Variants in WDFY3 observed in about 807,000 individuals in gnomAD.
WDFY3 encodes WD repeat and FYVE domain containing 3.
In WDFY3, 66 loss-of-function variants were observed where a neutral mutation model predicts 409.6. The ratio of observed to expected loss-of-function variants is 0.16; its 90% confidence interval spans 0.13 to 0.20. The LOEUF is 0.20. Among genes scored for constraint, WDFY3 ranks in the 10% least tolerant of loss-of-function variants. The probability of loss-of-function intolerance (pLI) is 1.00; values close to 1 mark genes in which losing one functional copy is unlikely to be tolerated. For synonymous variants in WDFY3, 1,521 were observed against 1,537.1 expected (o/e 0.99, Z 0.25); for missense variants, 3,031 against 4,298.1 (o/e 0.71, Z 8.24).
intron 45 of WDFY3, 91 bp from the exon 46 acceptor site, chr4:84,724,685 T>A (rs1187289477): frequency 7.0e-7 from 1 of 1,424,838 alleles, no homozygotes; most frequent in Non-Finnish European, 9.3e-7. Flanking sequence ...TCAAGGTGTG[T>A]TACCTTTTTA....
chr4:84,828,951 TA>T, intron 9 of WDFY3, 52 bp downstream of exon 9: 1 of 1,467,334 alleles, frequency 6.8e-7, no homozygotes, highest in African/African-American at 1.4e-5. Context: ...TTTTCTTTGA[TA>T]AAAAAGACTG....
In WDFY3 at chr4:84,679,013, A is replaced by G; in HGVS notation, c.10053T>C (p.Tyr3351=). 6.2e-7 allele frequency: 1 copy of G among 1,614,210 alleles called. No homozygotes were observed. Among genetic ancestry groups the G allele is most frequent in the Non-Finnish European group, 8.5e-7 (1 of 1,180,034 alleles). The change falls in exon 65 of 68, where the codon TAT becomes TAC. Residue 3351 remains tyrosine (Y), a synonymous_variant. Transcript: ENST00000295888. ...DEKDGFIFVN[Y]SEGQTRAHLQ... ...GATGGGCTCTGGTCTGGCCCTCTGA[A>G]TAGTTCACAAATATGAAGCCGTCTT...
chr4:84,772,780 A>C (rs1744892076), intron 30 of WDFY3, 55 bp downstream of exon 30: 1 of 1,427,040 alleles, frequency 7.0e-7, no homozygotes, highest in Admixed American at 1.9e-5. Flanking sequence ...CCAGAAGAAA[A>C]AAGGCATAAT....
intron 5 of WDFY3, chr4:84,844,613 T>A: frequency 1.0e-6 from 1 of 966,644 alleles, no homozygotes. Flanking sequence ...TCTCCATTGC[T>A]GGATTGCTGC....
At chr4:84,959,740 T>C (rs1213757423) in intron 1 of WDFY3, among the ~76,000 whole-genome samples, 1 of 152,216 alleles carries the variant, frequency 6.6e-6, no homozygotes, top group Non-Finnish European at 1.5e-5. Context: ...TCAGCAGATA[T>C]GTCTAAACCA....
Position 84,787,630 on chromosome 4 carries a change from A to C in WDFY3, c.3753T>G (p.Thr1251=). 3 of 1,614,186 alleles carry C rather than the reference A, an allele frequency of 1.9e-6. No individual in the cohort carries two copies. The highest frequency in any genetic ancestry group is 2.5e-6 in the Non-Finnish European group (3 of 1,180,038). The change falls in exon 23 of 68, where the codon ACT becomes ACG. Residue 1251 remains threonine, a synonymous_variant. Transcript: ENST00000295888. ...VVSTVYAYIG[T]PPAQRQIASL... ...AGGCAATTTGGCGTTGGGCAGGTGG[A>C]GTACCAATGTAGGCATAGACCGTGC...
At chr4:84,812,027 T>C (rs1371091720) in intron 13 of WDFY3, among the ~76,000 whole-genome samples, 1 of 152,208 alleles carries the variant, frequency 6.6e-6, no homozygotes, top group Non-Finnish European at 1.5e-5. Context: ...TGCAGCATTT[T>C]GAATTTCAGG....
intron 2 of WDFY3, among the ~76,000 whole-genome samples, chr4:84,914,401 G>C (rs1172269085): frequency 6.6e-6 from 1 of 152,080 alleles, no homozygotes; most frequent in Non-Finnish European, 1.5e-5. Flanking sequence ...GCAACAGTGT[G>C]AGACTCCGTC....
chr4:84,789,939 T>A, intron 21 of WDFY3, 32 bp from the exon 22 acceptor site: 3 of 1,608,606 alleles, frequency 1.9e-6, no homozygotes, highest in Non-Finnish European at 2.6e-6. Flanking sequence ...ATAAAAACTT[T>A]TTCCAACACC....
intron 27 of WDFY3, 142 bp from the exon 28 acceptor site, chr4:84,775,280 C>A: frequency 2.8e-6 from 2 of 705,554 alleles, no homozygotes; most frequent in Non-Finnish European, 4.4e-6. Flanking sequence ...CACTTATATG[C>A]AGAAAAAAAA....
intron 1 of WDFY3, among the ~76,000 whole-genome samples, chr4:84,954,613 A>G (rs1017747006): frequency 6.6e-6 from 1 of 152,210 alleles, no homozygotes; most frequent in Non-Finnish European, 1.5e-5. Flanking sequence ...AGTTCCTCAG[A>G]GTAACAGTGA....
chr4:84,684,143 A>G lies in WDFY3; in HGVS notation c.9544-18T>C, dbSNP rs775723709. The G allele has an allele frequency of 5.6e-5, 85 of 1,522,156 alleles. No homozygotes were observed. Among genetic ancestry groups the G allele is most frequent in the Non-Finnish European group, 7.1e-5 (80 of 1,121,184 alleles). 94.3% of individuals were successfully genotyped at this position (1,522,156 alleles called of 1,614,324 possible). On this transcript the variant is annotated intron_variant, in intron 62 of 67. Transcript: ENST00000295888. ...ATGTCCCCCTGAGAAGAGAGAGAAA[A>G]ACGTCATTCTCTTTGCTCCCTTCCA...
At chr4:84,867,453 T>C (rs551656328) in intron 3 of WDFY3, among the ~76,000 whole-genome samples, 1 of 152,352 alleles carries the variant, frequency 6.6e-6, no homozygotes, top group Non-Finnish European at 1.5e-5. Context: ...AGGATTATTG[T>C]GTATAAGAAC....
intron 2 of WDFY3, among the ~76,000 whole-genome samples, chr4:84,898,840 G>C (rs1260975943): frequency 6.6e-6 from 1 of 152,128 alleles, no homozygotes; most frequent in African/African-American, 2.4e-5. Context: ...CTGTTCCTAA[G>C]AAGAATTCCA....
chr4:84,801,251 G>A (rs1281592061), intron 17 of WDFY3, among the ~76,000 whole-genome samples: 1 of 152,134 alleles, frequency 6.6e-6, no homozygotes, highest in Non-Finnish European at 1.5e-5. Flanking sequence ...GGAGGAAAAT[G>A]GGCAAAGAGC....
At chr4:84,756,784 T>G in intron 33 of WDFY3, 142 bp downstream of exon 33, 1 of 1,030,290 alleles carries the variant, frequency 9.7e-7, no homozygotes, top group South Asian at 1.8e-5. Flanking sequence ...TGTGGTATTT[T>G]CAGATTTTTC....
rs2149709876 is a variant in WDFY3, at chr4:84,808,216, A to G, written c.2429+118T>C. The G allele has an allele frequency of 3.4e-6, 3 of 892,342 alleles. No homozygotes were observed. The South Asian group carries it at 5.8e-5, about 17-fold the overall frequency. The allele number at this position is 892,342 out of a possible 1,614,324, so 55.3% of individuals were successfully genotyped here. A position where few individuals can be genotyped will look rare whatever the true frequency, so the allele number is the denominator to read the frequency against. On this transcript the variant is annotated intron_variant, in intron 15 of 67. Coordinates refer to ENST00000295888, the MANE Select transcript of WDFY3 (RefSeq NM_014991.6). Reference sequence around the variant, plus strand: ...AAAACCCCAAAAGTAAAAACAAAACAAAACAAAACAAAAAAAAACTGAAAT... The same window carrying G: ...AAAACCCCAAAAGTAAAAACAAAACGAAACAAAACAAAAAAAAACTGAAAT...
intron 17 of WDFY3, among the ~76,000 whole-genome samples, chr4:84,800,087 A>G (rs188853714): frequency 2.6e-5 from 4 of 152,354 alleles, no homozygotes; most frequent in Admixed American, 1.3e-4. Flanking sequence ...GGTGAGTACA[A>G]CTACAAGATA....
At chr4:84,674,175 ATAATT>A (rs1456655399) in intron 67 of WDFY3, among the ~76,000 whole-genome samples, 1 of 152,218 alleles carries the variant, frequency 6.6e-6, no homozygotes, top group African/African-American at 2.4e-5. Context: ...ATAGCAATGG[ATAATT>A]TAAAGAATTA....
Sources: allele counts gnomAD v4.1 joint callset (sites outside exome capture counted in the v4.1 genomes callset), GRCh38; gene constraint gnomAD v4.1.1; transcripts MANE v1.5; gene names NCBI Gene and HGNC (gene_info 2026-07-23, HGNC 2026-07-21).